Variants in COX10 observed in about 807,000 individuals in gnomAD.
The protein encoded by COX10 is protoheme IX farnesyltransferase, mitochondrial.
Under a neutral mutation model 37.3 loss-of-function variants are expected in COX10, and 27 were observed. That is an observed-to-expected ratio of 0.72 (90% CI 0.53 to 1.00). COX10 has a LOEUF of 1.00. Ranked by LOEUF, COX10 falls within the 50% of genes least tolerant of loss-of-function variation. The pLI is 0.00. For synonymous variants in COX10, 222 were observed against 229.1 expected (o/e 0.97, Z 0.28); for missense variants, 475 against 563.2 (o/e 0.84, Z 1.59).
intron 4 of COX10, among the ~76,000 whole-genome samples, chr17:14,155,403 G>T (rs1008294306): frequency 6.6e-6 from 1 of 151,640 alleles, no homozygotes; most frequent in Non-Finnish European, 1.5e-5. Flanking sequence ...GGCTGCACAC[G>T]TAGTGGTTTT....
intron 5 of COX10, among the ~76,000 whole-genome samples, chr17:14,170,779 T>C (rs1335516023): frequency 3.3e-5 from 5 of 152,170 alleles, no homozygotes; most frequent in Non-Finnish European, 5.9e-5. Flanking sequence ...ATTGCACCAC[T>C]GTACTCCAGC....
At chr17:14,165,836 A>G (rs1905269186) in intron 5 of COX10, among the ~76,000 whole-genome samples, 1 of 152,248 alleles carries the variant, frequency 6.6e-6, no homozygotes, top group Non-Finnish European at 1.5e-5. Context: ...AGAAAGTGAA[A>G]CAGTCTTACT....
intron 6 of COX10, among the ~76,000 whole-genome samples, chr17:14,205,554 G>A (rs983381232): frequency 4.6e-5 from 7 of 152,046 alleles, no homozygotes; most frequent in African/African-American, 7.2e-5. Context: ...TGCCTAGCAC[G>A]GTGCTTACCC....
intron 5 of COX10, among the ~76,000 whole-genome samples, chr17:14,169,228 T>G (rs1336618016): frequency 6.6e-6 from 1 of 152,242 alleles, no homozygotes; most frequent in African/African-American, 2.4e-5. Flanking sequence ...TGCTAAAGCA[T>G]AGCAAGAGTG....
chr17:14,143,628 G>T (rs905738288), intron 4 of COX10, among the ~76,000 whole-genome samples: 1 of 152,112 alleles, frequency 6.6e-6, no homozygotes, highest in Non-Finnish European at 1.5e-5. Context: ...TGTCATTTGG[G>T]TAGGATCTGA....
rs1173943590 is a variant in COX10, at chr17:14,175,097, G to T, written c.695+15150G>T. 6.5e-5 allele frequency among the ~76,000 whole-genome samples: 3 copies of T among 45,958 alleles called. 1 individual carries two copies. The highest frequency in any genetic ancestry group is 5.3e-4 in the Admixed American group (2 of 3,748). 30.2% of individuals were successfully genotyped at this position (45,958 alleles called of 152,430 possible). A position where few individuals can be genotyped will look rare whatever the true frequency, so the allele number is the denominator to read the frequency against. On this transcript the variant is annotated intron_variant, in intron 5 of 6. Transcript: ENST00000261643. ...CTGGGAAATAGCGGGGGGGGGGGGG[G>T]TGGATAGGAGGGAATTGGCTATAGA...
At chr17:14,088,191 A>G (rs928853091) in intron 3 of COX10, among the ~76,000 whole-genome samples, 4 of 152,092 alleles carry the variant, frequency 2.6e-5, no homozygotes, top group Admixed American at 6.6e-5. Context: ...ATTAGTAGCT[A>G]TTTATGTAGT....
chr17:14,102,717 G>A (rs181579543), intron 4 of COX10, among the ~76,000 whole-genome samples: 14 of 152,060 alleles, frequency 9.2e-5, no homozygotes, highest in Non-Finnish European at 1.3e-4. Context: ...TATGGAATAC[G>A]GTTATACCCC....
intron 1 of COX10, among the ~76,000 whole-genome samples, chr17:14,070,318 C>G (rs1243030815): frequency 2.6e-5 from 4 of 152,204 alleles, no homozygotes; most frequent in Middle Eastern, 3.2e-3. Flanking sequence ...TTTCTTTTCA[C>G]ATCATTCCAT....
intron 4 of COX10, among the ~76,000 whole-genome samples, chr17:14,131,873 A>G (rs11652668): frequency 0.13 from 20,343 of 151,980 alleles, 1,652 homozygotes; most frequent in Non-Finnish European, 0.19. Flanking sequence ...AGCTTTGTAC[A>G]AAGTCCTTTT....
chr17:14,094,928 A>G (rs1915611099), intron 3 of COX10, among the ~76,000 whole-genome samples: 1 of 152,244 alleles, frequency 6.6e-6, no homozygotes, highest in Non-Finnish European at 1.5e-5. Context: ...ATAGTTGGTT[A>G]CTAGCGACAT....
chr17:14,101,155 A>G (rs1915769607), intron 3 of COX10, among the ~76,000 whole-genome samples: 2 of 152,194 alleles, frequency 1.3e-5, no homozygotes, highest in African/African-American at 2.4e-5. Context: ...CGAGTGACAA[A>G]GGAGATAATC....
At chr17:14,154,887 G>A (rs138478097) in intron 4 of COX10, among the ~76,000 whole-genome samples, 53 of 152,302 alleles carry the variant, frequency 3.5e-4, no homozygotes, top group African/African-American at 1.2e-3. Context: ...AGATAGTGGC[G>A]AGTGTGACCA....
intron 3 of COX10, among the ~76,000 whole-genome samples, chr17:14,091,188 C>G (rs751257001): frequency 1.3e-5 from 2 of 152,076 alleles, no homozygotes; most frequent in African/African-American, 2.4e-5. Context: ...TAGTCTGTTA[C>G]GCGATTTTGT....
At chr17:14,166,151 T>C (rs553990146) in intron 5 of COX10, among the ~76,000 whole-genome samples, 30 of 152,332 alleles carry the variant, frequency 2.0e-4, no homozygotes, top group African/African-American at 6.3e-4. Context: ...CACTGAACAA[T>C]AGAGTTTTCA....
chr17:14,087,679 C>T (rs749638913), intron 3 of COX10, among the ~76,000 whole-genome samples: 29 of 151,416 alleles, frequency 1.9e-4, no homozygotes, highest in Admixed American at 1.2e-3. Flanking sequence ...ACTTTTTCTC[C>T]GAAAGGTTTT....
chr17:14,105,241 A>G (rs1915865765), intron 4 of COX10, among the ~76,000 whole-genome samples: 1 of 152,202 alleles, frequency 6.6e-6, no homozygotes, highest in South Asian at 2.1e-4. Flanking sequence ...TACAAGATAC[A>G]TTTTAATGGT....
intron 5 of COX10, among the ~76,000 whole-genome samples, chr17:14,189,342 T>A (rs1376868197): frequency 6.6e-6 from 1 of 152,226 alleles, no homozygotes. Context: ...CATTTTTTCC[T>A]CACAAATTGA....
At chr17:14,094,791 T>C (rs141971697) in intron 3 of COX10, among the ~76,000 whole-genome samples, 134 of 152,340 alleles carry the variant, frequency 8.8e-4, no homozygotes, top group African/African-American at 3.2e-3. Flanking sequence ...TTAAATAATT[T>C]CCAAGAGCAC....
Sources: gnomAD v4.1 joint callset for allele counts (sites outside exome capture counted in the v4.1 genomes callset) on GRCh38, gnomAD v4.1.1 for gene constraint, MANE v1.5 for transcripts, NCBI Gene and HGNC (gene_info 2026-07-23, HGNC 2026-07-21) for gene names.